PACRG: variants seen among roughly 807,000 people sequenced by gnomAD.
The protein encoded by PACRG is parkin coregulated.
In PACRG, 29 loss-of-function variants were observed where a neutral mutation model predicts 29.7. The ratio of observed to expected loss-of-function variants is 0.98; its 90% CI spans 0.73 to 1.33. The LOEUF is 1.33. Among genes scored for constraint, PACRG ranks in the 40% most tolerant of loss-of-function variants. The probability of loss-of-function intolerance (pLI) is 0.00; values close to 1 mark genes in which losing one functional copy is unlikely to be tolerated. For missense variants in PACRG, 279 were observed against 316.2 expected (o/e 0.88, Z 0.89); for synonymous variants, 116 against 118.7 (o/e 0.98, Z 0.15).
At chr6:162,871,847 G>A (rs766814491) in intron 2 of PACRG, among the ~76,000 whole-genome samples, 1 of 151,980 alleles carries the variant, frequency 6.6e-6, no homozygotes, top group Non-Finnish European at 1.5e-5. Context: ...GAACCTGGGA[G>A]GCGGAGCTTG....
intron 4 of PACRG, among the ~76,000 whole-genome samples, chr6:163,288,717 G>A (rs1013636284): frequency 1.1e-4 from 16 of 151,828 alleles, no homozygotes; most frequent in South Asian, 4.2e-4. Flanking sequence ...CCAAATACTC[G>A]TCTATACCAC....
upstream of PACRG, chr6:162,727,625 G>A (rs779917361): frequency 2.4e-5 from 38 of 1,574,932 alleles, no homozygotes; most frequent in Non-Finnish European, 3.0e-5. Flanking sequence ...GGCGTGGGGC[G>A]GCGCAGAGAG....
chr6:163,244,069 GTTCA>G (rs1388711252), intron 4 of PACRG, among the ~76,000 whole-genome samples: 1 of 152,194 alleles, frequency 6.6e-6, no homozygotes, highest in Non-Finnish European at 1.5e-5. Context: ...ACTTTTGTGT[GTTCA>G]TTCAGTGATT....
chr6:162,910,567 A>C (rs1796236127), intron 2 of PACRG, among the ~76,000 whole-genome samples: 1 of 152,222 alleles, frequency 6.6e-6, no homozygotes, highest in Non-Finnish European at 1.5e-5. Context: ...AAAAAAAACC[A>C]CAAAAACCAT....
At chr6:163,209,461 G>A (rs114119536) in intron 4 of PACRG, among the ~76,000 whole-genome samples, 1 of 152,174 alleles carries the variant, frequency 6.6e-6, no homozygotes, top group African/African-American at 2.4e-5. Context: ...ACTACATTGA[G>A]TGGTTGGGCA....
intron 1 of PACRG, among the ~76,000 whole-genome samples, chr6:162,734,000 T>C (rs926641507): frequency 1.3e-5 from 2 of 152,170 alleles, no homozygotes; most frequent in East Asian, 3.9e-4. Context: ...ATTTCACCCA[T>C]TGCTGCATCC....
At chr6:163,135,870 T>G (rs371966115) in intron 4 of PACRG, among the ~76,000 whole-genome samples, 3 of 152,366 alleles carry the variant, frequency 2.0e-5, no homozygotes, top group African/African-American at 7.2e-5. Context: ...ATTTGCATTT[T>G]TCCCAATGAC....
intron 4 of PACRG, among the ~76,000 whole-genome samples, chr6:163,217,728 T>A (rs970749133): frequency 2.0e-5 from 3 of 151,968 alleles, no homozygotes; most frequent in Non-Finnish European, 4.4e-5. Context: ...CTCACAGGAG[T>A]GTGAACTGTG....
intron 4 of PACRG, among the ~76,000 whole-genome samples, chr6:163,147,177 C>A (rs1451581590): frequency 6.6e-6 from 1 of 152,164 alleles, no homozygotes. Context: ...CTGAACTCTG[C>A]ACATATGATC....
intron 1 of PACRG, among the ~76,000 whole-genome samples, chr6:162,806,305 A>G (rs1786321913): frequency 6.6e-6 from 1 of 151,674 alleles, no homozygotes; most frequent in Admixed American, 6.6e-5. Context: ...CCAGGGTTTC[A>G]CCATGTTGGT....
chr6:162,741,416 C>A (rs185556805), intron 1 of PACRG, among the ~76,000 whole-genome samples: 68 of 152,254 alleles, frequency 4.5e-4, no homozygotes, highest in South Asian at 2.3e-3. Flanking sequence ...ACCATTTTGG[C>A]TCTTGGTGAG....
intron 2 of PACRG, among the ~76,000 whole-genome samples, chr6:162,931,313 T>C (rs1797835795): frequency 6.6e-6 from 1 of 151,872 alleles, no homozygotes; most frequent in Non-Finnish European, 1.5e-5. Flanking sequence ...AAAAGATATT[T>C]TTAAAATGTT....
At chr6:163,047,926 T>C (rs1809569445) in intron 2 of PACRG, among the ~76,000 whole-genome samples, 1 of 152,260 alleles carries the variant, frequency 6.6e-6, no homozygotes, top group Admixed American at 6.5e-5. Flanking sequence ...TTGTTAATTT[T>C]ATTATCTTAA....
chr6:162,946,689 A>G (rs896644601), intron 2 of PACRG, among the ~76,000 whole-genome samples: 19 of 152,068 alleles, frequency 1.2e-4, no homozygotes, highest in African/African-American at 4.1e-4. Context: ...ACAAAAAAGA[A>G]AACTACAGAC....
At chr6:163,069,319 G>A (rs1346132049) in intron 3 of PACRG, among the ~76,000 whole-genome samples, 1 of 149,970 alleles carries the variant, frequency 6.7e-6, no homozygotes, top group Non-Finnish European at 1.5e-5. Flanking sequence ...TTAGTTACCA[G>A]GTACCAATCC....
At chr6:163,256,237 A>G (rs991833399) in intron 4 of PACRG, among the ~76,000 whole-genome samples, 23 of 152,184 alleles carry the variant, frequency 1.5e-4, no homozygotes, top group African/African-American at 5.3e-4. Flanking sequence ...TGCCTGTTTT[A>G]CTGTATATTC....
rs141407239 is a variant in PACRG, at chr6:162,904,037, G to A, written c.291+89756G>A. ...TGCTGCACTCTTGAGTCCGAAATCCGCAGGGCAGACTGATAGGCAGGAAAC... is the reference window on the plus strand; with the variant it reads ...TGCTGCACTCTTGAGTCCGAAATCCACAGGGCAGACTGATAGGCAGGAAAC... On this transcript the variant is annotated intron_variant, in intron 2 of 4. Coordinates refer to ENST00000366888, the MANE Select transcript of PACRG (RefSeq NM_001080379.2). Among the ~76,000 whole-genome samples, 289 of 152,294 alleles carry A rather than the reference G, an allele frequency of 1.9e-3. 2 individuals are homozygous for A. Among genetic ancestry groups the A allele is most frequent in the African/African-American group, 6.7e-3 (277 of 41,556 alleles).
At chr6:163,251,680 A>AGAAG (rs1782910229) in intron 4 of PACRG, among the ~76,000 whole-genome samples, 1 of 152,174 alleles carries the variant, frequency 6.6e-6, no homozygotes, top group Non-Finnish European at 1.5e-5. Context: ...CCTCCACAGG[A>AGAAG]GAAGTTAGGG....
chr6:163,045,140 G>C (rs1300873910), intron 2 of PACRG, among the ~76,000 whole-genome samples: 1 of 152,050 alleles, frequency 6.6e-6, no homozygotes, highest in Non-Finnish European at 1.5e-5. Context: ...GTGCCAAGGT[G>C]TGTTGTGGGT....
Sources: allele counts gnomAD v4.1 joint callset (sites outside exome capture counted in the v4.1 genomes callset), GRCh38; gene constraint gnomAD v4.1.1; transcripts MANE v1.5; gene names NCBI Gene and HGNC (gene_info 2026-07-23, HGNC 2026-07-21).